Variants in ALCAM observed in about 807,000 individuals in gnomAD.
ALCAM encodes activated leukocyte cell adhesion molecule, also known as CD166 antigen.
ALCAM carries 30 observed loss-of-function variants against 70.9 expected under a neutral mutation model. That is an observed-to-expected ratio of 0.42 (90% CI 0.32 to 0.57). The LOEUF is 0.57. Among genes scored for constraint, ALCAM ranks in the 20% least tolerant of loss-of-function variants. The pLI is 0.11. For synonymous variants in ALCAM, 249 were observed against 242.5 expected (o/e 1.03, Z -0.25); for missense variants, 591 against 695.1 (o/e 0.85, Z 1.68).
At chr3:105,546,890 G>T (rs1185086878) in intron 9 of ALCAM, among the ~76,000 whole-genome samples, 1 of 151,084 alleles carries the variant, frequency 6.6e-6, no homozygotes, top group African/African-American at 2.4e-5. Flanking sequence ...CATTTCCTTT[G>T]TTCATAGAAA....
chr3:105,533,399 A>G (rs1027823327), intron 4 of ALCAM, among the ~76,000 whole-genome samples: 4 of 152,166 alleles, frequency 2.6e-5, no homozygotes, highest in Non-Finnish European at 5.9e-5. Context: ...CGTCAAAAGT[A>G]TATTTTCAAA....
At chr3:105,552,674 T>G in intron 14 of ALCAM, 89 bp downstream of exon 14, 1 of 1,592,154 alleles carries the variant, frequency 6.3e-7, no homozygotes, top group Non-Finnish European at 8.6e-7. Context: ...CAGTCGTGCA[T>G]ATAATTTATA....
chr3:105,476,998 T>G (rs997523286), intron 1 of ALCAM, among the ~76,000 whole-genome samples: 21 of 152,114 alleles, frequency 1.4e-4, no homozygotes, highest in Non-Finnish European at 2.1e-4. Flanking sequence ...GGGTTTCTGC[T>G]TTTGCTTCTT....
chr3:105,464,143 C>T (rs1008131148), intron 1 of ALCAM, among the ~76,000 whole-genome samples: 4 of 150,926 alleles, frequency 2.7e-5, no homozygotes, highest in Middle Eastern at 3.4e-3. Context: ...TTGTCTTGTC[C>T]GACTATATTA....
At chr3:105,537,454 T>C (rs1939998859) in intron 6 of ALCAM, among the ~76,000 whole-genome samples, 1 of 152,128 alleles carries the variant, frequency 6.6e-6, no homozygotes, top group Non-Finnish European at 1.5e-5. Flanking sequence ...CTCAGATTAA[T>C]ATCCTTCCCC....
At chr3:105,389,363 T>C (rs1935741128) in intron 1 of ALCAM, among the ~76,000 whole-genome samples, 2 of 129,286 alleles carry the variant, frequency 1.5e-5, no homozygotes, top group Admixed American at 8.9e-5. Flanking sequence ...TATGCTCATA[T>C]ATACATAGTT....
chr3:105,560,643 C>G (rs1940611852), intron 14 of ALCAM, among the ~76,000 whole-genome samples: 1 of 152,092 alleles, frequency 6.6e-6, no homozygotes, highest in South Asian at 2.1e-4. Flanking sequence ...CCTATGTTAT[C>G]TCCTAGAAAC....
intron 14 of ALCAM, among the ~76,000 whole-genome samples, chr3:105,557,033 A>G: frequency 6.6e-6 from 1 of 152,070 alleles, no homozygotes; most frequent in Non-Finnish European, 1.5e-5. Context: ...ATCTTGTTCC[A>G]AATTCCATAT....
Position 105,547,253 on chromosome 3 carries a change from GA to G in ALCAM, c.1213del (p.Arg405GlufsTer4). The G allele has an allele frequency of 6.2e-7, 1 of 1,603,578 alleles. No individual in the cohort carries two copies. Among genetic ancestry groups the G allele is most frequent in the Non-Finnish European group, 8.5e-7 (1 of 1,175,496 alleles). ...TALQEVEGLK[K>X]RESLTLIVEG... Reference sequence around the variant, plus strand: ...CTCTGCAGGAGGTTGAAGGACTAAAGAAAAGAGAGTCATTGACTCTCATTGT... The same window carrying G: ...CTCTGCAGGAGGTTGAAGGACTAAAGAAAGAGAGTCATTGACTCTCATTGT... On this transcript the variant is annotated frameshift_variant, in exon 10 of 16. Transcript: ENST00000306107. LOFTEE classifies it high-confidence loss of function.
intron 1 of ALCAM, among the ~76,000 whole-genome samples, chr3:105,391,921 A>G (rs1935830164): frequency 6.6e-6 from 1 of 152,010 alleles, no homozygotes; most frequent in African/African-American, 2.4e-5. Context: ...CTGGGGATGA[A>G]GCCAACTTGA....
chr3:105,396,225 T>G (rs1232941318), intron 1 of ALCAM, among the ~76,000 whole-genome samples: 1 of 152,014 alleles, frequency 6.6e-6, no homozygotes, highest in Non-Finnish European at 1.5e-5. Context: ...AATTCAAGGA[T>G]GTGGCTGCTG....
At chr3:105,519,642 A>C (rs1437685013) in intron 1 of ALCAM, among the ~76,000 whole-genome samples, 1 of 152,158 alleles carries the variant, frequency 6.6e-6, no homozygotes, top group Non-Finnish European at 1.5e-5. Context: ...AAAAACACAA[A>C]TATAGTTAAA....
chr3:105,479,712 A>G (rs13083467), intron 1 of ALCAM, among the ~76,000 whole-genome samples: 2 of 152,184 alleles, frequency 1.3e-5, no homozygotes, highest in Non-Finnish European at 2.9e-5. Flanking sequence ...CCTTCATGCA[A>G]CTTGCCAGTT....
chr3:105,404,072 C>T (rs984579232), intron 1 of ALCAM, among the ~76,000 whole-genome samples: 40 of 151,644 alleles, frequency 2.6e-4, no homozygotes, highest in Non-Finnish European at 1.9e-4. Context: ...AACAAAGCCT[C>T]GAAGAAGTTT....
chr3:105,368,394 C>A (rs1273042572), intron 1 of ALCAM, among the ~76,000 whole-genome samples: 1 of 152,122 alleles, frequency 6.6e-6, no homozygotes, highest in Non-Finnish European at 1.5e-5. Flanking sequence ...CAGGGTATTC[C>A]GTGCGCTCAC....
intron 1 of ALCAM, among the ~76,000 whole-genome samples, chr3:105,400,876 C>T (rs1936071400): frequency 6.6e-6 from 1 of 152,150 alleles, no homozygotes; most frequent in Non-Finnish European, 1.5e-5. Context: ...CTTTAATTCC[C>T]ATCTGTAAAA....
chr3:105,540,813 T>C (rs969649578), intron 7 of ALCAM, among the ~76,000 whole-genome samples: 1 of 152,064 alleles, frequency 6.6e-6, no homozygotes, highest in Non-Finnish European at 1.5e-5. Context: ...CTTACAAATT[T>C]CATCTACCAC....
rs568272637 is a variant in ALCAM, at chr3:105,403,630, G to A, written c.73+36149G>A. 6.6e-5 allele frequency among the ~76,000 whole-genome samples: 10 copies of A among 152,066 alleles called. No homozygotes were observed. The East Asian group carries it at 7.8e-4, about 12-fold the overall frequency. On this transcript the variant is annotated intron_variant, in intron 1 of 15. Transcript: ENST00000306107. ...GCCATCTGACATAGTCTACACCAAC[G>A]AAAAGGAATCAGAAAAACAATTCTG...
chr3:105,443,129 A>C (rs1013894431), intron 1 of ALCAM, among the ~76,000 whole-genome samples: 2 of 152,162 alleles, frequency 1.3e-5, no homozygotes, highest in African/African-American at 4.8e-5. Context: ...CCCAGCCAAG[A>C]TTTTGTTTCT....
Sources: allele counts gnomAD v4.1 joint callset (sites outside exome capture counted in the v4.1 genomes callset), GRCh38; gene constraint gnomAD v4.1.1; transcripts MANE v1.5; gene names NCBI Gene and HGNC (gene_info 2026-07-23, HGNC 2026-07-21).